Variants in SGCZ observed in about 807,000 individuals in gnomAD.
SGCZ encodes zeta-sarcoglycan.
SGCZ carries 40 observed loss-of-function variants against 41.3 expected under a neutral mutation model. The ratio of observed to expected loss-of-function variants is 0.97; its 90% CI spans 0.75 to 1.26. The LOEUF is 1.26. Among genes scored for constraint, SGCZ ranks in the 50% most tolerant of loss-of-function variants. SGCZ has a pLI of 0.00. For missense variants in SGCZ, 552 were observed against 369.8 expected (o/e 1.49, Z -4.04); for synonymous variants, 206 against 137.5 (o/e 1.50, Z -3.49).
chr8:14,853,552 A>G (rs1411982148), intron 1 of SGCZ: 1 of 514,574 alleles, frequency 1.9e-6, no homozygotes, highest in Non-Finnish European at 4.1e-6. Context: ...TAAATTATGC[A>G]AACATAATCA....
intron 1 of SGCZ, among the ~76,000 whole-genome samples, chr8:15,154,614 G>C (rs17655886): frequency 6.6e-6 from 1 of 152,092 alleles, no homozygotes; most frequent in Non-Finnish European, 1.5e-5. Context: ...CATATGCTCT[G>C]AGTTGTAAGT....
chr8:15,018,498 A>G (rs181710751), intron 1 of SGCZ, among the ~76,000 whole-genome samples: 2 of 152,334 alleles, frequency 1.3e-5, no homozygotes, highest in African/African-American at 2.4e-5. Context: ...GACAGGAATG[A>G]TAAAGGAAAC....
At chr8:14,688,311 G>A (rs1286030097) in intron 1 of SGCZ, among the ~76,000 whole-genome samples, 4 of 152,060 alleles carry the variant, frequency 2.6e-5, no homozygotes, top group African/African-American at 9.7e-5. Flanking sequence ...TTTCTTCTAG[G>A]GTTTTTATGG....
Position 14,174,695 on chromosome 8 carries a change from G to A in SGCZ, c.425-9993C>T, listed in dbSNP as rs117815220. Among the ~76,000 whole-genome samples, 167 of 152,100 alleles carry A rather than the reference G, an allele frequency of 1.1e-3. 3 individuals carry two copies. The East Asian group carries it at 0.026, about 24-fold the overall frequency. Reference sequence around the variant, plus strand: ...TAATACTGACCTCTCAATATGAAACGGAAATAAAATAGTGGAATATGGTGT... The same window carrying A: ...TAATACTGACCTCTCAATATGAAACAGAAATAAAATAGTGGAATATGGTGT... On this transcript the variant is annotated intron_variant, in intron 4 of 7. Transcript: ENST00000382080.
intron 5 of SGCZ, among the ~76,000 whole-genome samples, chr8:14,130,067 G>T (rs1355575943): frequency 6.6e-6 from 1 of 152,106 alleles, no homozygotes; most frequent in South Asian, 2.1e-4. Context: ...CACAGTTTCT[G>T]ATTATAAAAC....
chr8:14,814,914 C>A (rs560580818), intron 1 of SGCZ, among the ~76,000 whole-genome samples: 1 of 152,016 alleles, frequency 6.6e-6, no homozygotes. Context: ...GCTATTTCAT[C>A]CTAATTAATG....
At chr8:14,821,407 C>T (rs1316761853) in intron 1 of SGCZ, among the ~76,000 whole-genome samples, 5 of 151,938 alleles carry the variant, frequency 3.3e-5, no homozygotes, top group Non-Finnish European at 5.9e-5. Context: ...GAACTAATAC[C>T]AATTATCCTT....
In SGCZ at chr8:14,164,720, G is replaced by A. The variant is rs1456767523; in HGVS notation, c.425-18C>T. 19 of 1,610,796 alleles carry A rather than the reference G, an allele frequency of 1.2e-5. No individual in the cohort carries two copies. Among genetic ancestry groups the A allele is most frequent in the African/African-American group, 1.3e-5 (1 of 74,728 alleles). ...ATCAGCTCCTATGGTCAGAGGAAAG[G>A]TTTAAAAATGAAACTGGTATGCAGG... On this transcript the variant is annotated intron_variant, in intron 4 of 7. Transcript: ENST00000382080.
At chr8:14,556,296 T>G (rs1197379814) in intron 1 of SGCZ, among the ~76,000 whole-genome samples, 1 of 151,736 alleles carries the variant, frequency 6.6e-6, no homozygotes, top group East Asian at 1.9e-4. Context: ...GAATCTAACA[T>G]AAATACTTCT....
At chr8:14,668,126 T>G (rs922981948) in intron 1 of SGCZ, among the ~76,000 whole-genome samples, 1 of 151,936 alleles carries the variant, frequency 6.6e-6, no homozygotes, top group Admixed American at 6.6e-5. Context: ...ACCCAGCTAA[T>G]TGTTGTATTT....
At chr8:14,403,421 TG>T (rs1799131179) in intron 2 of SGCZ, among the ~76,000 whole-genome samples, 1 of 151,628 alleles carries the variant, frequency 6.6e-6, no homozygotes. Flanking sequence ...ATATTGGCTG[TG>T]GGTTTGTCAT....
At chr8:14,124,027 C>A (rs919573570) in intron 5 of SGCZ, among the ~76,000 whole-genome samples, 1 of 151,980 alleles carries the variant, frequency 6.6e-6, no homozygotes, top group African/African-American at 2.4e-5. Flanking sequence ...TCTTTAGGAG[C>A]TGGAAAAGCA....
chr8:14,982,091 A>C (rs992515672), intron 1 of SGCZ, among the ~76,000 whole-genome samples: 1 of 151,744 alleles, frequency 6.6e-6, no homozygotes, highest in Non-Finnish European at 1.5e-5. Context: ...CGGAGTTTGC[A>C]GTGAGCCAGG....
At chr8:14,577,384 C>CTTTTTTTTTTTTTTTTTTTTTTTTTT (rs57432939) in intron 1 of SGCZ, among the ~76,000 whole-genome samples, 1 of 111,888 alleles carries the variant, frequency 8.9e-6, no homozygotes, top group African/African-American at 3.6e-5. Context: ...AGAAATATAT[C>CTTTTTTTTTTTTTTTTTTTTTTTTTT]TTTTTTTTTT....
chr8:14,439,525 C>A (rs371865360), intron 2 of SGCZ, among the ~76,000 whole-genome samples: 1 of 151,604 alleles, frequency 6.6e-6, no homozygotes, highest in African/African-American at 2.4e-5. Flanking sequence ...ACAGACCCAA[C>A]AATCTTTCCC....
At chr8:14,304,237 G>GT (rs1462410585) in intron 3 of SGCZ, among the ~76,000 whole-genome samples, 2 of 151,878 alleles carry the variant, frequency 1.3e-5, no homozygotes, top group African/African-American at 4.8e-5. Flanking sequence ...GAGCCCAGGA[G>GT]TTCGAGACCA....
chr8:14,432,711 C>G (rs10095706), intron 2 of SGCZ, among the ~76,000 whole-genome samples: 1 of 151,760 alleles, frequency 6.6e-6, no homozygotes, highest in African/African-American at 2.4e-5. Flanking sequence ...GTCGGGAGTT[C>G]GAGACCAGCC....
intron 7 of SGCZ, among the ~76,000 whole-genome samples, chr8:14,099,026 A>AAAAGTCATTTTTTATAATAGAT (rs1170274468): frequency 2.0e-5 from 3 of 152,166 alleles, no homozygotes; most frequent in Non-Finnish European, 4.4e-5. Context: ...CACCCATATA[A>AAAAGTCATTTTTTATAATAGAT]AAAGTCATTT....
chr8:14,717,156 G>C (rs1809716884), intron 1 of SGCZ, among the ~76,000 whole-genome samples: 2 of 151,808 alleles, frequency 1.3e-5, no homozygotes, highest in Admixed American at 1.3e-4. Context: ...ATATTATTTT[G>C]TATCATTTAG....
Sources: allele counts gnomAD v4.1 joint callset (sites outside exome capture counted in the v4.1 genomes callset), GRCh38; gene constraint gnomAD v4.1.1; transcripts MANE v1.5; gene names NCBI Gene and HGNC (gene_info 2026-07-23, HGNC 2026-07-21).